SLC23A2: variants seen among roughly 807,000 people sequenced by gnomAD.
SLC23A2 encodes Na(+)/L-ascorbic acid transporter 2.
In SLC23A2, 36 loss-of-function variants were observed where a neutral mutation model predicts 73.3. The ratio of observed to expected loss-of-function variants is 0.49; its 90% CI spans 0.38 to 0.65. The LOEUF (loss-of-function observed/expected upper bound fraction) is 0.65, where lower values mean the gene tolerates loss of function less well. Ranked by LOEUF, SLC23A2 falls within the 30% of genes least tolerant of loss-of-function variation. The probability of loss-of-function intolerance (pLI) is 0.00; values close to 1 mark genes in which losing one functional copy is unlikely to be tolerated. For synonymous variants in SLC23A2, 343 were observed against 327.3 expected (o/e 1.05, Z -0.52); for missense variants, 507 against 841.6 (o/e 0.60, Z 4.92).
chr20:4,858,568 A>T (rs74579485), intron 16 of SLC23A2, among the ~76,000 whole-genome samples: 3,830 of 152,086 alleles, frequency 0.025, 168 homozygotes, highest in African/African-American at 0.087. Flanking sequence ...TAAAGGGGAA[A>T]ATCTCAACAA....
chr20:4,972,385 T>G (rs2087574886), intron 1 of SLC23A2, among the ~76,000 whole-genome samples: 2 of 151,550 alleles, frequency 1.3e-5, no homozygotes, highest in South Asian at 4.2e-4. Flanking sequence ...AACTAAACAC[T>G]GGTCTTGTGC....
At chr20:4,974,765 G>A (rs911072521) in intron 1 of SLC23A2, among the ~76,000 whole-genome samples, 1 of 152,022 alleles carries the variant, frequency 6.6e-6, no homozygotes, top group African/African-American at 2.4e-5. Context: ...GGGCAATTTT[G>A]GGGGGAAAGC....
upstream of SLC23A2, among the ~76,000 whole-genome samples, chr20:5,005,742 C>T (rs2088183618): frequency 2.0e-5 from 3 of 152,176 alleles, no homozygotes; most frequent in Non-Finnish European, 2.9e-5. Flanking sequence ...AATCCCAGCA[C>T]TTTGGGAGGC....
chr20:4,982,774 A>G (rs1192082620), intron 1 of SLC23A2, among the ~76,000 whole-genome samples: 1 of 152,156 alleles, frequency 6.6e-6, no homozygotes, highest in Admixed American at 6.6e-5. Flanking sequence ...TGGGGGGTAG[A>G]GTCATCCTTT....
At chr20:4,909,485 A>T (rs1932068915) in intron 4 of SLC23A2, among the ~76,000 whole-genome samples, 1 of 149,506 alleles carries the variant, frequency 6.7e-6, no homozygotes, top group African/African-American at 2.5e-5. Flanking sequence ...AATGAATGTC[A>T]TTTTTTTTTT....
chr20:4,937,422 G>A (rs1484361840), intron 2 of SLC23A2, among the ~76,000 whole-genome samples: 2 of 152,204 alleles, frequency 1.3e-5, no homozygotes, highest in Non-Finnish European at 2.9e-5. Context: ...AGTGGGGAAG[G>A]AGGAGCAGAG....
chr20:4,935,389 C>A (rs1354916167), intron 2 of SLC23A2, among the ~76,000 whole-genome samples: 1 of 152,112 alleles, frequency 6.6e-6, no homozygotes, highest in Non-Finnish European at 1.5e-5. Context: ...CCTGCCACAG[C>A]CCCCGCCACT....
In SLC23A2 at chr20:4,852,371, G is replaced by A. The variant is rs909982786; in HGVS notation, c.*4601C>T. 7 of 152,448 alleles carry A rather than the reference G, an allele frequency of 4.6e-5. No homozygotes were observed. Among genetic ancestry groups the A allele is most frequent in the African/African-American group, 1.4e-4 (6 of 41,418 alleles). 9.4% of individuals were successfully genotyped at this position (152,448 alleles called of 1,614,324 possible). On this transcript the variant is annotated 3_prime_UTR_variant, in exon 17 of 17. Coordinates refer to ENST00000338244, the MANE Select transcript of SLC23A2 (RefSeq NM_005116.6). The surrounding 1 kb of genome is among the most constrained non-coding windows in gnomAD (Gnocchi z 4.3). ...GAAGAGCAAAACTGTGTCCAGGAGA[G>A]CTTTTATTTGTACGGAACAGTTTTA...
intron 1 of SLC23A2, among the ~76,000 whole-genome samples, chr20:4,994,817 C>T (rs2087991527): frequency 6.6e-6 from 1 of 150,878 alleles, no homozygotes; most frequent in African/African-American, 2.4e-5. Flanking sequence ...GACCGTAATC[C>T]CAACTACTCA....
At position 4,853,412 on chromosome 20, in the gene SLC23A2, T is replaced by C. The variant is rs1468893530; in HGVS notation, c.*3560A>G. ...GAAGATGAGACTTGCCAACTTTAAG[T>C]TGCTAGTACCAATATTTCAGCAGGG... On this transcript the variant is annotated 3_prime_UTR_variant, in exon 17 of 17. Coordinates refer to ENST00000338244, the MANE Select transcript of SLC23A2 (RefSeq NM_005116.6). The C allele has an allele frequency of 2.0e-5, 3 of 152,638 alleles. No homozygotes were observed. The highest frequency in any genetic ancestry group is 4.4e-5 in the Non-Finnish European group (3 of 68,030). The allele number at this position is 152,638 out of a possible 1,614,324, so 9.5% of individuals were successfully genotyped here.
intron 1 of SLC23A2, among the ~76,000 whole-genome samples, chr20:4,971,941 G>A (rs1044538748): frequency 1.3e-5 from 2 of 152,186 alleles, no homozygotes; most frequent in East Asian, 1.9e-4. Context: ...ACTAGCACAC[G>A]GGGAGGGTGC....
chr20:4,856,811 C>T lies in SLC23A2; in HGVS notation c.*161G>A, dbSNP rs1216839118. ...GAGATAGGCGAGACACCGCATCAGG[C>T]ACCATCACCCTCACAGCAGAAAAGT... On this transcript the variant is annotated 3_prime_UTR_variant, in exon 17 of 17. Coordinates refer to ENST00000338244, the MANE Select transcript of SLC23A2 (RefSeq NM_005116.6). The surrounding 1 kb of genome is among the most constrained non-coding windows in gnomAD (Gnocchi z 4.6). 12 of 604,636 alleles carry T rather than the reference C, an allele frequency of 2.0e-5. No homozygotes were observed. In the East Asian group the frequency reaches 3.3e-4, roughly 17 times the overall value. The allele number at this position is 604,636 out of a possible 1,614,324, so 37.5% of individuals were successfully genotyped here. A position where few individuals can be genotyped will look rare whatever the true frequency, so the allele number is the denominator to read the frequency against.
rs180788195 is a variant in SLC23A2, at chr20:4,855,476, A to G, written c.*1496T>C. On this transcript the variant is annotated 3_prime_UTR_variant, in exon 17 of 17. Coordinates refer to ENST00000338244, the MANE Select transcript of SLC23A2 (RefSeq NM_005116.6). ...CTTTTCCTTCACTGAAAAACTTCAA[A>G]CCAAACCAAGAGGAGTCATTTCTCA... 1.3e-5 allele frequency: 2 copies of G among 152,348 alleles called. No individual in the cohort carries two copies. The highest frequency in any genetic ancestry group is 4.8e-5 in the African/African-American group (2 of 41,578). The allele number at this position is 152,348 out of a possible 1,614,324, so 9.4% of individuals were successfully genotyped here.
rs1929658959 is a variant in SLC23A2 at position 4,854,892 on chromosome 20, T to C, written c.*2080A>G. 1 of 152,348 alleles carries C rather than the reference T, an allele frequency of 6.6e-6. No individual in the cohort carries two copies. Among genetic ancestry groups the C allele is most frequent in the Non-Finnish European group, 1.5e-5 (1 of 68,042 alleles). The allele number at this position is 152,348 out of a possible 1,614,324, so 9.4% of individuals were successfully genotyped here. A position where few individuals can be genotyped will look rare whatever the true frequency, so the allele number is the denominator to read the frequency against. ...GCTAGAAGATTGCAAATCTCTGGGA[T>C]GTTTAGCAGTTTTCCCCATTTTTCA... On this transcript the variant is annotated 3_prime_UTR_variant, in exon 17 of 17. Coordinates refer to ENST00000338244, the MANE Select transcript of SLC23A2 (RefSeq NM_005116.6).
intron 2 of SLC23A2, among the ~76,000 whole-genome samples, chr20:4,962,996 C>CA (rs2087416804): frequency 6.6e-6 from 1 of 151,946 alleles, no homozygotes; most frequent in Admixed American, 6.6e-5. Context: ...AAGACTATCT[C>CA]AAAAAAAGTT....
intron 3 of SLC23A2, among the ~76,000 whole-genome samples, chr20:4,923,723 T>C (rs768543155): frequency 6.6e-6 from 1 of 152,180 alleles, no homozygotes; most frequent in African/African-American, 2.4e-5. Context: ...TTTAGGGATG[T>C]ACAAAAAGGA....
rs181573571 is a variant in SLC23A2, at chr20:4,988,618, C to G, written c.-282+12788G>C. On this transcript the variant is annotated intron_variant, in intron 1 of 16. Coordinates refer to ENST00000338244, the MANE Select transcript of SLC23A2 (RefSeq NM_005116.6). ...AGGCATGGTGGCACACACCTGTAGT[C>G]CCGGCTACTCGGGAGGCTGAGGCAG... Among the ~76,000 whole-genome samples, 131 of 152,046 alleles carry G rather than the reference C, an allele frequency of 8.6e-4. 1 individual carries two copies. The highest frequency in any genetic ancestry group is 2.8e-3 in the African/African-American group (117 of 41,476).
chr20:4,996,975 C>T (rs2088033633), intron 1 of SLC23A2, among the ~76,000 whole-genome samples: 1 of 152,144 alleles, frequency 6.6e-6, no homozygotes, highest in African/African-American at 2.4e-5. Flanking sequence ...GGCATCACAA[C>T]TTAACATGGC....
chr20:5,005,754 G>A (rs192366941), upstream of SLC23A2, among the ~76,000 whole-genome samples: 42 of 152,264 alleles, frequency 2.8e-4, no homozygotes, highest in East Asian at 6.0e-3. Context: ...TTGGGAGGCC[G>A]AGATGGGTGG....
Sources: gnomAD v4.1 joint callset for allele counts (sites outside exome capture counted in the v4.1 genomes callset) on GRCh38, gnomAD v4.1.1 for gene constraint, Gnocchi (gnomAD v3.1) non-coding constraint, MANE v1.5 for transcripts, NCBI Gene and HGNC (gene_info 2026-07-23, HGNC 2026-07-21) for gene names.